OTUD1: variants seen among roughly 807,000 people sequenced by gnomAD.
The protein encoded by OTUD1 is OTU deubiquitinase 1.
A neutral mutation model predicts 30.0 loss-of-function variants in OTUD1; 15 were observed. The observed-to-expected ratio is 0.50, with a 90% CI of 0.33 to 0.77. The LOEUF (loss-of-function observed/expected upper bound fraction) is 0.77. Ranked by LOEUF, OTUD1 falls within the 30% of genes least tolerant of loss-of-function variation. The pLI, the probability that OTUD1 is intolerant of heterozygous loss-of-function variation, is 0.02. For synonymous variants in OTUD1, 381 were observed against 326.3 expected (o/e 1.17, Z -1.81); for missense variants, 796 against 697.8 (o/e 1.14, Z -1.59).
Position 23,439,728 on chromosome 10 carries a change from G to T in OTUD1, c.271G>T (p.Ala91Ser). 1.7e-6 allele frequency: 2 copies of T among 1,170,704 alleles called. No homozygotes were observed. Among genetic ancestry groups the T allele is most frequent in the African/African-American group, 1.6e-5 (1 of 60,768 alleles). 72.5% of individuals were successfully genotyped at this position (1,170,704 alleles called of 1,614,324 possible). The change falls in exon 1 of 1, where the codon GCC (alanine) becomes TCC (serine). Residue 91 changes from alanine (A) to serine (S), a missense_variant. Coordinates refer to ENST00000376495, the MANE Select transcript of OTUD1 (RefSeq NM_001145373.3). ...VVSGAAAPAS[A>S]AAGPPGASCK... ...GTCCGGGGCCGCCGCGCCCGCCTCC[G>T]CCGCCGCCGGCCCGCCCGGCGCGTC...
chr10:23,441,713 T>C lies in OTUD1; in HGVS notation c.*810T>C, dbSNP rs949254615. On this transcript the variant is annotated 3_prime_UTR_variant, in exon 1 of 1. Coordinates refer to ENST00000376495, the MANE Select transcript of OTUD1 (RefSeq NM_001145373.3). ...AGAGTAGATTGTCTGGTGCTCTCAG[T>C]TGTTTTTATTTACATTTGTCACGTT... 1 of 167,060 alleles carries C rather than the reference T, an allele frequency of 6.0e-6. No individual in the cohort carries two copies. Among genetic ancestry groups the C allele is most frequent in the Admixed American group, 6.5e-5 (1 of 15,274 alleles). The allele number at this position is 167,060 out of a possible 1,614,324, so 10.3% of individuals were successfully genotyped here.
rs1193078013 is a variant in OTUD1 at position 23,439,869 on chromosome 10, T to C, written c.412T>C (p.Ser138Pro). ...GPDPVPGAAG[S>P]AAAPRGRCLL... ...CGATCCCGTTCCCGGCGCCGCGGGC[T>C]CCGCCGCTGCCCCGCGCGGCCGCTG... The change falls in exon 1 of 1, where the codon TCC (serine) becomes CCC (proline). Residue 138 changes from serine (S) to proline (P), a missense_variant. Transcript: ENST00000376495. The C allele has an allele frequency of 4.4e-6, 5 of 1,136,694 alleles. No individual in the cohort carries two copies. The highest frequency in any genetic ancestry group is 5.4e-6 in the Non-Finnish European group (5 of 929,826). The allele number at this position is 1,136,694 out of a possible 1,614,324, so 70.4% of individuals were successfully genotyped here. A position where few individuals can be genotyped will look rare whatever the true frequency, so the allele number is the denominator to read the frequency against.
chr10:23,439,622 C>A lies in OTUD1; in HGVS notation c.165C>A (p.Pro55=). 7.7e-7 allele frequency: 1 copy of A among 1,300,118 alleles called. No homozygotes were observed. The highest frequency in any genetic ancestry group is 9.8e-7 in the Non-Finnish European group (1 of 1,021,198). The allele number at this position is 1,300,118 out of a possible 1,614,324, so 80.5% of individuals were successfully genotyped here. The change falls in exon 1 of 1, where the codon CCC becomes CCA. Residue 55 remains proline, a synonymous_variant. Coordinates refer to ENST00000376495, the MANE Select transcript of OTUD1 (RefSeq NM_001145373.3). Reference sequence around the variant, plus strand: ...AGCCCGAGACCGGTGAGTGCCAGCCCGCCGCGGCCGCCGAGCACCGGGAAG... The same window carrying A: ...AGCCCGAGACCGGTGAGTGCCAGCCAGCCGCGGCCGCCGAGCACCGGGAAG... ...APEPETGECQ[P]AAAAEHREAA...
chr10:23,439,445 G>A lies in OTUD1; in HGVS notation c.-13G>A. 1 of 1,277,812 alleles carries A rather than the reference G, an allele frequency of 7.8e-7. No individual in the cohort carries two copies. Among genetic ancestry groups the A allele is most frequent in the Non-Finnish European group, 9.9e-7 (1 of 1,014,162 alleles). The allele number at this position is 1,277,812 out of a possible 1,614,324, so 79.2% of individuals were successfully genotyped here. A position where few individuals can be genotyped will look rare whatever the true frequency, so the allele number is the denominator to read the frequency against. On this transcript the variant is annotated 5_prime_UTR_variant, in exon 1 of 1. Coordinates refer to ENST00000376495, the MANE Select transcript of OTUD1 (RefSeq NM_001145373.3). ...TCGCCGCGCCTATAAGGGGCCGAGC[G>A]GCGGGCAGGGACATGCAGCTCTACA...
rs1477415575 is a variant in OTUD1, at chr10:23,439,870, C to G, written c.413C>G (p.Ser138Cys). The G allele has an allele frequency of 8.8e-6, 10 of 1,133,640 alleles. No homozygotes were observed. The highest frequency in any genetic ancestry group is 4.9e-5 in the East Asian group (1 of 20,258). 70.2% of individuals were successfully genotyped at this position (1,133,640 alleles called of 1,614,324 possible). A position where few individuals can be genotyped will look rare whatever the true frequency, so the allele number is the denominator to read the frequency against. Residue 138 changes from serine to cysteine, a missense_variant, in exon 1 of 1, where the codon TCC becomes TGC. Transcript: ENST00000376495. ...GPDPVPGAAGSAAAPRGRCLL... is the reference protein window; with the variant it reads ...GPDPVPGAAGCAAAPRGRCLL... The stretch of plus-strand genomic sequence containing the variant: ...GATCCCGTTCCCGGCGCCGCGGGCT[C>G]CGCCGCTGCCCCGCGCGGCCGCTGC...
rs1847103922 is a variant in OTUD1, at chr10:23,439,648, C to G, written c.191C>G (p.Ala64Gly). 1.5e-6 allele frequency: 2 copies of G among 1,299,976 alleles called. No individual in the cohort carries two copies. Among genetic ancestry groups the G allele is most frequent in the Non-Finnish European group, 2.0e-6 (2 of 1,018,126 alleles). The allele number at this position is 1,299,976 out of a possible 1,614,324, so 80.5% of individuals were successfully genotyped here. ...GCCGCGGCCGCCGAGCACCGGGAAGCCGCCGCTGTCCCCGCCGCCAAGATG... is the reference window on the plus strand; with the variant it reads ...GCCGCGGCCGCCGAGCACCGGGAAGGCGCCGCTGTCCCCGCCGCCAAGATG... The part of the protein sequence containing the change: ...QPAAAAEHRE[A>G]AAVPAAKMPA... The change falls in exon 1 of 1, where the codon GCC becomes GGC. Residue 64 changes from alanine to glycine, a missense_variant. Coordinates refer to ENST00000376495, the MANE Select transcript of OTUD1 (RefSeq NM_001145373.3).
chr10:23,439,996 C>G lies in OTUD1; in HGVS notation c.539C>G (p.Ala180Gly). 3 of 1,373,414 alleles carry G rather than the reference C, an allele frequency of 2.2e-6. No homozygotes were observed. Among genetic ancestry groups the G allele is most frequent in the Non-Finnish European group, 1.9e-6 (2 of 1,066,094 alleles). 85.1% of individuals were successfully genotyped at this position (1,373,414 alleles called of 1,614,324 possible). The change falls in exon 1 of 1, where the codon GCG (alanine) becomes GGG (glycine). Residue 180 changes from alanine (A) to glycine (G), a missense_variant. Physicochemically the swap from Ala to Gly is moderately conservative, Grantham distance 60. Transcript: ENST00000376495. ...ELLRPDCPEP[A>G]GLDATREGPD... Reference sequence around the variant, plus strand: ...CTGCGGCCCGACTGCCCCGAGCCCGCGGGCTTGGACGCGACACGGGAGGGG... The same window carrying G: ...CTGCGGCCCGACTGCCCCGAGCCCGGGGGCTTGGACGCGACACGGGAGGGG...
In OTUD1 at chr10:23,440,281, C is replaced by G; in HGVS notation, c.824C>G (p.Ala275Gly). 1 of 1,549,942 alleles carries G rather than the reference C, an allele frequency of 6.5e-7. No homozygotes were observed. The highest frequency in any genetic ancestry group is 8.7e-7 in the Non-Finnish European group (1 of 1,146,364). Residue 275 changes from alanine (A) to glycine (G), a missense_variant, in exon 1 of 1, where the codon GCG (alanine) becomes GGG (glycine). Transcript: ENST00000376495. ...GSIEAAPSSA[A>G]EPVIVSRSDP... is the part of the protein sequence containing the mutation. ...ATCGAGGCCGCCCCGAGTAGTGCGG[C>G]GGAGCCGGTGATCGTCTCCAGGTCG...
Position 23,439,548 on chromosome 10 carries a change from C to T in OTUD1, c.91C>T (p.Pro31Ser), listed in dbSNP as rs1183331440. 7.2e-6 allele frequency: 10 copies of T among 1,386,302 alleles called. No homozygotes were observed. The highest frequency in any genetic ancestry group is 9.4e-6 in the Non-Finnish European group (10 of 1,067,708). 85.9% of individuals were successfully genotyped at this position (1,386,302 alleles called of 1,614,324 possible). A position where few individuals can be genotyped will look rare whatever the true frequency, so the allele number is the denominator to read the frequency against. ...AAPAPPAAAT[P>S]FKVSLQPPGA... ...CCCCGCGCCACCCGCCGCCGCTACC[C>T]CCTTCAAGGTCTCGCTGCAGCCCCC... Residue 31 changes from proline to serine, a missense_variant, in exon 1 of 1, where the codon CCC becomes TCC. Transcript: ENST00000376495.
chr10:23,439,813 T>C lies in OTUD1; in HGVS notation c.356T>C (p.Leu119Pro). Residue 119 changes from leucine (L) to proline (P), a missense_variant, in exon 1 of 1, where the codon CTG becomes CCG. By Grantham distance (98) the Leu-to-Pro change is moderately conservative. Transcript: ENST00000376495. Reference protein sequence around the residue: ...TSTAQITVRALGADRLLLHGP... With the variant: ...TSTAQITVRAPGADRLLLHGP... Reference sequence around the variant, plus strand: ...ACCGCACAGATCACCGTGCGGGCCCTGGGCGCCGACAGGCTCCTGCTGCAC... The same window carrying C: ...ACCGCACAGATCACCGTGCGGGCCCCGGGCGCCGACAGGCTCCTGCTGCAC... The C allele has an allele frequency of 8.9e-7, 1 of 1,125,480 alleles. No individual in the cohort carries two copies. The highest frequency in any genetic ancestry group is 1.1e-6 in the Non-Finnish European group (1 of 923,402). 69.7% of individuals were successfully genotyped at this position (1,125,480 alleles called of 1,614,324 possible). A position where few individuals can be genotyped will look rare whatever the true frequency, so the allele number is the denominator to read the frequency against.
At position 23,440,621 on chromosome 10, in the gene OTUD1, G is replaced by C; in HGVS notation, c.1164G>C (p.Leu388=). ...AGTTGCTGGCCATGGGGCAGATGCT[G>C]AATGTGAATATCCATTTAACTACTG... ...YPELLAMGQM[L]NVNIHLTTGG... Residue 388 remains leucine (L), a synonymous_variant, in exon 1 of 1, where the codon CTG becomes CTC. Coordinates refer to ENST00000376495, the MANE Select transcript of OTUD1 (RefSeq NM_001145373.3). 1 of 1,551,786 alleles carries C rather than the reference G, an allele frequency of 6.4e-7. No individual in the cohort carries two copies. The highest frequency in any genetic ancestry group is 8.7e-7 in the Non-Finnish European group (1 of 1,147,020).
At position 23,439,508 on chromosome 10, in the gene OTUD1, T is replaced by C. The variant is rs915361482; in HGVS notation, c.51T>C (p.Gly17=). 18 of 1,367,790 alleles carry C rather than the reference T, an allele frequency of 1.3e-5. No individual in the cohort carries two copies. The Admixed American group carries it at 5.6e-4, about 43-fold the overall frequency. The allele number at this position is 1,367,790 out of a possible 1,614,324, so 84.7% of individuals were successfully genotyped here. Residue 17 remains glycine, a synonymous_variant, in exon 1 of 1, where the codon GGT becomes GGC. Coordinates refer to ENST00000376495, the MANE Select transcript of OTUD1 (RefSeq NM_001145373.3). The part of the protein sequence containing the change: ...VCTHYPAGAP[G]PTAAAPAPPA... ...CCCACTACCCCGCCGGGGCCCCGGGTCCCACGGCCGCCGCCCCCGCGCCAC... is the reference window on the plus strand; with the variant it reads ...CCCACTACCCCGCCGGGGCCCCGGGCCCCACGGCCGCCGCCCCCGCGCCAC...
In OTUD1 at chr10:23,440,275, G is replaced by A; in HGVS notation, c.818G>A (p.Ser273Asn). The change falls in exon 1 of 1, where the codon AGT becomes AAT. Residue 273 changes from serine to asparagine, a missense_variant. Ser to Asn is a conservative substitution (Grantham distance 46, BLOSUM62 1). Transcript: ENST00000376495. ...GGGAGCATCGAGGCCGCCCCGAGTA[G>A]TGCGGCGGAGCCGGTGATCGTCTCC... ...PAGSIEAAPS[S>N]AAEPVIVSRS... The A allele has an allele frequency of 6.5e-7, 1 of 1,549,832 alleles. No homozygotes were observed.
rs1382819944 is a variant in OTUD1, at chr10:23,439,364, C to T, written c.-94C>T. ...CTCTATTCTGGGGCCGTTGGGTCAC[C>T]GCGCTCCGCCGGCCCCCTCCCCCGG... On this transcript the variant is annotated 5_prime_UTR_variant, in exon 1 of 1. Transcript: ENST00000376495. The T allele has an allele frequency of 9.0e-6, 10 of 1,112,248 alleles. No homozygotes were observed. The highest frequency in any genetic ancestry group is 7.2e-5 in the East Asian group (2 of 27,612). 68.9% of individuals were successfully genotyped at this position (1,112,248 alleles called of 1,614,324 possible).
At position 23,440,428 on chromosome 10, in the gene OTUD1, C is replaced by CGG; in HGVS notation, c.971_972insGG (p.Lys327AlafsTer14). On this transcript the variant is annotated frameshift_variant, in exon 1 of 1. Coordinates refer to ENST00000376495, the MANE Select transcript of OTUD1 (RefSeq NM_001145373.3). LOFTEE classifies it high-confidence loss of function. Reference sequence around the variant, plus strand: ...CCAGACGGCAACTGCCTCTACCGAGCTGTCAGCAAGACGGTGTATGGGGAC... The same window carrying CGG: ...CCAGACGGCAACTGCCTCTACCGAGCGGTGTCAGCAAGACGGTGTATGGGGAC... 6.4e-7 allele frequency: 1 copy of CGG among 1,551,712 alleles called. No homozygotes were observed. Among genetic ancestry groups the CGG allele is most frequent in the Non-Finnish European group, 8.7e-7 (1 of 1,147,012 alleles).
Position 23,440,112 on chromosome 10 carries a change from C to G in OTUD1, c.655C>G (p.Pro219Ala). The G allele has an allele frequency of 2.8e-6, 4 of 1,426,008 alleles. No individual in the cohort carries two copies. The highest frequency in any genetic ancestry group is 3.6e-6 in the Non-Finnish European group (4 of 1,098,348). The allele number at this position is 1,426,008 out of a possible 1,614,324, so 88.3% of individuals were successfully genotyped here. The change falls in exon 1 of 1, where the codon CCC becomes GCC. Residue 219 changes from proline to alanine, a missense_variant. Pro to Ala is a conservative substitution (Grantham distance 27). Transcript: ENST00000376495. ...CGCGGCGACCCCGGGGAGCCCCGAT[C>G]CCGGCCCCGGTCCGTGGGGCGAAGA... ...GPAATPGSPDPGPGPWGEEHL... is the reference protein window; with the variant it reads ...GPAATPGSPDAGPGPWGEEHL...
chr10:23,441,084 A>C lies in OTUD1; in HGVS notation c.*181A>C, dbSNP rs1267355429. 3 of 644,278 alleles carry C rather than the reference A, an allele frequency of 4.7e-6. No homozygotes were observed. The highest frequency in any genetic ancestry group is 8.0e-6 in the Non-Finnish European group (3 of 374,616). The allele number at this position is 644,278 out of a possible 1,614,324, so 39.9% of individuals were successfully genotyped here. A position where few individuals can be genotyped will look rare whatever the true frequency, so the allele number is the denominator to read the frequency against. On this transcript the variant is annotated 3_prime_UTR_variant, in exon 1 of 1. Coordinates refer to ENST00000376495, the MANE Select transcript of OTUD1 (RefSeq NM_001145373.3). ...GAGCTGGAGGTTGCTGGGCACCTAA[A>C]TGATGTTTCATGATAGCTTTGGGTG... is the stretch of plus-strand genomic sequence containing the variant.
In OTUD1 at chr10:23,440,289, G is replaced by T; in HGVS notation, c.832G>T (p.Val278Leu). The T allele has an allele frequency of 6.5e-7, 1 of 1,550,344 alleles. No individual in the cohort carries two copies. Residue 278 changes from valine (V) to leucine (L), a missense_variant, in exon 1 of 1, where the codon GTG (valine) becomes TTG (leucine). By Grantham distance (32) the Val-to-Leu change is conservative (BLOSUM62 1). Transcript: ENST00000376495. ...CGCCCCGAGTAGTGCGGCGGAGCCG[G>T]TGATCGTCTCCAGGTCGGATCCCAG... ...EAAPSSAAEPVIVSRSDPRDE... is the reference protein window; with the variant it reads ...EAAPSSAAEPLIVSRSDPRDE...
Position 23,439,631 on chromosome 10 carries a change from C to A in OTUD1, c.174C>A (p.Ala58=), listed in dbSNP as rs745747010. ...PETGECQPAA[A]AEHREAAAVP... ...CCGGTGAGTGCCAGCCCGCCGCGGC[C>A]GCCGAGCACCGGGAAGCCGCCGCTG... Residue 58 remains alanine (A), a synonymous_variant, in exon 1 of 1, where the codon GCC becomes GCA. Transcript: ENST00000376495. 2.4e-5 allele frequency: 31 copies of A among 1,293,886 alleles called. 1 individual carries two copies. The South Asian group carries it at 5.4e-4, about 23-fold the overall frequency. 80.2% of individuals were successfully genotyped at this position (1,293,886 alleles called of 1,614,324 possible). A position where few individuals can be genotyped will look rare whatever the true frequency, so the allele number is the denominator to read the frequency against.
Sources: gnomAD v4.1 joint callset for allele counts on GRCh38, gnomAD v4.1.1 for gene constraint, MANE v1.5 for transcripts, NCBI Gene and HGNC (gene_info 2026-07-23, HGNC 2026-07-21) for gene names.